Variants in NTM observed in about 807,000 individuals in gnomAD.
NTM encodes the protein IgLON family member 2.
In NTM, 13 loss-of-function variants were observed where a neutral mutation model predicts 42.1. The observed-to-expected ratio is 0.31, with a 90% CI of 0.20 to 0.49. The LOEUF (loss-of-function observed/expected upper bound fraction) is 0.49, where lower values mean the gene tolerates loss of function less well. NTM is among the 20% of genes least tolerant of loss of function. The pLI is 0.99. For synonymous variants in NTM, 187 were observed against 179.2 expected, an observed-to-expected ratio of 1.04 and a Z score of -0.35; for missense variants, 373 against 452.8, an observed-to-expected ratio of 0.82 and a Z score of 1.60.
chr11:131,461,984 CA>C (rs543230615), intron 1 of NTM, among the ~76,000 whole-genome samples: 151 of 152,240 alleles, frequency 9.9e-4, no homozygotes, highest in African/African-American at 3.5e-3. Context: ...ATTTTTGCAA[CA>C]GCTTTATTCG....
chr11:131,782,371 A>C (rs1005130495), intron 1 of NTM, among the ~76,000 whole-genome samples: 19 of 149,662 alleles, frequency 1.3e-4, no homozygotes, highest in Admixed American at 9.3e-4. Context: ...TGTTTCCACA[A>C]AAAAAAACAA....
At chr11:132,312,657 C>G (rs966037319) in intron 6 of NTM, 13 of 154,822 alleles carry the variant, frequency 8.4e-5, no homozygotes, top group African/African-American at 2.9e-4. Context: ...AGTCTCTCCC[C>G]ACTGCAGAGC....
chr11:132,294,603 C>G (rs529941818), intron 4 of NTM, among the ~76,000 whole-genome samples: 1 of 152,084 alleles, frequency 6.6e-6, no homozygotes, highest in African/African-American at 2.4e-5. Context: ...CAACTTACAT[C>G]GAGCAGTTGA....
chr11:131,456,914 G>A (rs1469033677), intron 1 of NTM, among the ~76,000 whole-genome samples: 2 of 152,112 alleles, frequency 1.3e-5, no homozygotes, highest in Non-Finnish European at 2.9e-5. Context: ...CTCTTGAAAT[G>A]TCTCCTCAGT....
chr11:132,116,284 C>A (rs1324718931), intron 2 of NTM, among the ~76,000 whole-genome samples: 1 of 152,142 alleles, frequency 6.6e-6, no homozygotes, highest in African/African-American at 2.4e-5. Context: ...AGGGGCCAGG[C>A]CAATCCAGCA....
At chr11:132,256,016 A>G (rs897286090) in intron 4 of NTM, among the ~76,000 whole-genome samples, 2 of 152,128 alleles carry the variant, frequency 1.3e-5, no homozygotes, top group South Asian at 2.1e-4. Context: ...TCCTCCATTG[A>G]GCTCCTCCCA....
intron 1 of NTM, among the ~76,000 whole-genome samples, chr11:131,900,269 T>G (rs2052952841): frequency 6.6e-6 from 1 of 152,114 alleles, no homozygotes; most frequent in Non-Finnish European, 1.5e-5. Flanking sequence ...TGTAATACAA[T>G]AAAACAAAAT....
At chr11:131,897,953 A>G (rs2052566047) in intron 1 of NTM, among the ~76,000 whole-genome samples, 1 of 152,216 alleles carries the variant, frequency 6.6e-6, no homozygotes, top group African/African-American at 2.4e-5. Flanking sequence ...CTTAAAGATG[A>G]TATCCTTGGA....
In NTM at chr11:131,464,269, A is replaced by G. The variant is rs531957988; in HGVS notation, c.82+93381A>G. Among the ~76,000 whole-genome samples, 7 of 152,170 alleles carry G rather than the reference A, an allele frequency of 4.6e-5. No homozygotes were observed. The East Asian group carries it at 9.7e-4, about 21-fold the overall frequency. On this transcript the variant is annotated intron_variant, in intron 1 of 8. Transcript: ENST00000683400. ...TGCGGCAGGGAGTTGCAAACACACC[A>G]TGGAGCCCTGGAACTTTAGAAGACC...
chr11:132,043,958 A>ATGTG (rs71067353), intron 2 of NTM, among the ~76,000 whole-genome samples: 3,856 of 146,292 alleles, frequency 0.026, 60 homozygotes, highest in Non-Finnish European at 0.028. Context: ...GACACCAACT[A>ATGTG]TGTGTGTGTG....
chr11:132,184,458 A>G (rs1425063673), intron 3 of NTM, among the ~76,000 whole-genome samples: 1 of 152,104 alleles, frequency 6.6e-6, no homozygotes, highest in South Asian at 2.1e-4. Flanking sequence ...TCTACTGACT[A>G]CTGTATAAAT....
At chr11:131,674,174 C>T (rs2070941150) in intron 1 of NTM, among the ~76,000 whole-genome samples, 2 of 152,268 alleles carry the variant, frequency 1.3e-5, no homozygotes, top group South Asian at 2.1e-4. Flanking sequence ...GTGCCACACG[C>T]ACACGTTCTC....
intron 1 of NTM, among the ~76,000 whole-genome samples, chr11:131,749,536 GC>G (rs969721834): frequency 3.3e-5 from 5 of 152,214 alleles, no homozygotes; most frequent in Non-Finnish European, 5.9e-5. Flanking sequence ...TGATCCCTTA[GC>G]CCCTGGGACA....
At chr11:132,268,172 C>T (rs926910911) in intron 4 of NTM, among the ~76,000 whole-genome samples, 1 of 152,176 alleles carries the variant, frequency 6.6e-6, no homozygotes, top group African/African-American at 2.4e-5. Flanking sequence ...GTAAAACTTT[C>T]TCCTTACAAC....
intron 2 of NTM, among the ~76,000 whole-genome samples, chr11:132,039,494 C>A (rs371429206): frequency 1.3e-5 from 2 of 149,410 alleles, no homozygotes; most frequent in Admixed American, 6.7e-5. Flanking sequence ...TAGGCTCAAG[C>A]GATTGCTGTA....
intron 2 of NTM, among the ~76,000 whole-genome samples, chr11:132,088,637 A>G (rs187145250): frequency 6.4e-4 from 98 of 152,228 alleles, no homozygotes; most frequent in African/African-American, 2.2e-3. Context: ...GCTCTACCCA[A>G]TTCCTCCAGT....
At chr11:131,561,675 C>A (rs1241354054) in intron 1 of NTM, among the ~76,000 whole-genome samples, 2 of 150,608 alleles carry the variant, frequency 1.3e-5, no homozygotes, top group East Asian at 2.0e-4. Flanking sequence ...AGTGAGAGAA[C>A]AATTTGTTAG....
chr11:132,081,421 G>C (rs1424663769), intron 2 of NTM, among the ~76,000 whole-genome samples: 1 of 152,126 alleles, frequency 6.6e-6, no homozygotes, highest in African/African-American at 2.4e-5. Flanking sequence ...TAAGAGGATG[G>C]ACAATACATC....
At chr11:131,863,257 C>A (rs1592349043) in intron 1 of NTM, among the ~76,000 whole-genome samples, 1 of 152,338 alleles carries the variant, frequency 6.6e-6, no homozygotes, top group East Asian at 1.9e-4. Flanking sequence ...GCTGCTGTCT[C>A]TGGCACCCTG....
Sources: gnomAD v4.1 joint callset for allele counts (sites outside exome capture counted in the v4.1 genomes callset) on GRCh38, gnomAD v4.1.1 for gene constraint, MANE v1.5 for transcripts, NCBI Gene and HGNC (gene_info 2026-07-23, HGNC 2026-07-21) for gene names.